ERGIC1: variants seen among roughly 807,000 people sequenced by gnomAD.
ERGIC1 encodes endoplasmic reticulum-Golgi intermediate compartment protein 1.
A neutral mutation model predicts 38.3 loss-of-function variants in ERGIC1; 19 were observed. The observed-to-expected ratio is 0.50, with a 90% CI of 0.35 to 0.73. The LOEUF is 0.73. ERGIC1 is among the 30% of genes least tolerant of loss of function. ERGIC1 has a pLI of 0.01. For missense variants in ERGIC1, 294 were observed against 389.2 expected, an observed-to-expected ratio of 0.76 and a Z score of 2.06; for synonymous variants, 124 against 157.6, an observed-to-expected ratio of 0.79 and a Z score of 1.60.
intron 7 of ERGIC1, among the ~76,000 whole-genome samples, chr5:172,927,976 A>G (rs1292316279): frequency 6.6e-6 from 1 of 152,062 alleles, no homozygotes; most frequent in Non-Finnish European, 1.5e-5. Context: ...GTTCCCATTC[A>G]TGCTGCCTCC....
At chr5:172,849,988 T>G (rs1761364300) in intron 1 of ERGIC1, among the ~76,000 whole-genome samples, 1 of 152,166 alleles carries the variant, frequency 6.6e-6, no homozygotes, top group Non-Finnish European at 1.5e-5. Context: ...TTTGCCTCAT[T>G]TTACAGGTGA....
Position 172,951,041 on chromosome 5 carries a change from C to G in ERGIC1, c.*225C>G, listed in dbSNP as rs1764219453. The G allele has an allele frequency of 2.1e-6, 1 of 467,676 alleles. No individual in the cohort carries two copies. Among genetic ancestry groups the G allele is most frequent in the African/African-American group, 2.0e-5 (1 of 50,136 alleles). 29.0% of individuals were successfully genotyped at this position (467,676 alleles called of 1,614,324 possible). On this transcript the variant is annotated 3_prime_UTR_variant, in exon 10 of 10. Coordinates refer to ENST00000393784, the MANE Select transcript of ERGIC1 (RefSeq NM_001031711.3). ...GCCTGAAGTTGCAGTTCCCCTTTCC[C>G]TGGGGAGCCCCAAGAACAGAGTCAG...
At chr5:172,882,465 A>C (rs1431433548) in intron 1 of ERGIC1, among the ~76,000 whole-genome samples, 1 of 152,110 alleles carries the variant, frequency 6.6e-6, no homozygotes, top group Admixed American at 6.5e-5. Flanking sequence ...TGAGCTCTAA[A>C]CTGGTGATTC....
rs1761281623 is a variant in ERGIC1, at chr5:172,846,341, C to G, written c.20+11908C>G. Among the ~76,000 whole-genome samples, 1 of 152,146 alleles carries G rather than the reference C, an allele frequency of 6.6e-6. No individual in the cohort carries two copies. Among genetic ancestry groups the G allele is most frequent in the Non-Finnish European group, 1.5e-5 (1 of 67,982 alleles). On this transcript the variant is annotated intron_variant, in intron 1 of 9. Transcript: ENST00000393784. The surrounding 1 kb of genome is among the most constrained non-coding windows in gnomAD (Gnocchi z 4.0). Reference sequence around the variant, plus strand: ...CGCTGTCTGTGCAGGACGCCCAGCACTGGGCACTTTGAGTCACTTCTGAGC... The same window carrying G: ...CGCTGTCTGTGCAGGACGCCCAGCAGTGGGCACTTTGAGTCACTTCTGAGC...
intron 5 of ERGIC1, among the ~76,000 whole-genome samples, chr5:172,919,699 A>C (rs1024219988): frequency 6.6e-6 from 1 of 152,228 alleles, no homozygotes; most frequent in Non-Finnish European, 1.5e-5. Context: ...CAAACTCTGC[A>C]GTAGAGACTG....
chr5:172,855,966 C>T (rs148689038), intron 1 of ERGIC1, among the ~76,000 whole-genome samples: 121 of 152,338 alleles, frequency 7.9e-4, no homozygotes, highest in Non-Finnish European at 1.3e-3. Flanking sequence ...TTTTCCACAT[C>T]GACTTGATGT....
rs1763852887 is a variant in ERGIC1 at position 172,934,845 on chromosome 5, T to C, written c.643-343T>C. On this transcript the variant is annotated intron_variant, in intron 8 of 9. Transcript: ENST00000393784. ...AGCAAACCATTGTTGAATAAATGAATGGATTTCGCGTGGCCCAGAGGTTGA... is the reference window on the plus strand; with the variant it reads ...AGCAAACCATTGTTGAATAAATGAACGGATTTCGCGTGGCCCAGAGGTTGA... 9.4e-6 allele frequency: 3 copies of C among 320,834 alleles called. No individual in the cohort carries two copies. The South Asian group carries it at 9.4e-5, about 10-fold the overall frequency. The allele number at this position is 320,834 out of a possible 1,614,324, so 19.9% of individuals were successfully genotyped here. A position where few individuals can be genotyped will look rare whatever the true frequency, so the allele number is the denominator to read the frequency against.
chr5:172,914,964 T>C, intron 5 of ERGIC1, 126 bp downstream of exon 5: 2 of 1,468,766 alleles, frequency 1.4e-6, no homozygotes, highest in Non-Finnish European at 1.9e-6. Context: ...CAAGCGAGGG[T>C]TCGTGTCCAG....
intron 8 of ERGIC1, chr5:172,933,031 G>A (rs2339745): frequency 0.17 from 27,256 of 156,824 alleles, 2,544 homozygotes; most frequent in African/African-American, 0.21. Context: ...TGGAGAAGAC[G>A]CCAGGCCTTA....
chr5:172,883,331 A>G (rs1269576264), intron 1 of ERGIC1, among the ~76,000 whole-genome samples: 2 of 152,076 alleles, frequency 1.3e-5, no homozygotes, highest in African/African-American at 2.4e-5. Context: ...ATCGTACTCA[A>G]CTTTCTTCAG....
At chr5:172,893,911 GTGTGTGTGTGTGTGTGTGTGT>G in intron 2 of ERGIC1, among the ~76,000 whole-genome samples, 1 of 35,082 alleles carries the variant, frequency 2.9e-5, no homozygotes, top group African/African-American at 1.1e-4. Context: ...ATATATGTGT[GTGTGTGTGTGTGTGTGTGTGT>G]GTGTATATAT....
intron 9 of ERGIC1, among the ~76,000 whole-genome samples, chr5:172,947,886 G>GTA (rs149830219): frequency 1.3e-5 from 2 of 151,396 alleles, no homozygotes; most frequent in East Asian, 3.9e-4. Context: ...TTGTGTGTGT[G>GTA]TGTGTGTGTG....
intron 9 of ERGIC1, 186 bp downstream of exon 9, chr5:172,935,496 C>A: frequency 1.5e-6 from 1 of 665,642 alleles, no homozygotes; most frequent in Non-Finnish European, 2.5e-6. Flanking sequence ...AGAAACACAT[C>A]AGTATCGATG....
intron 2 of ERGIC1, among the ~76,000 whole-genome samples, chr5:172,892,880 T>C (rs1343260731): frequency 6.6e-6 from 1 of 152,196 alleles, no homozygotes; most frequent in Non-Finnish European, 1.5e-5. Context: ...CATGAATGCG[T>C]GTGATCGGGA....
chr5:172,844,021 G>A (rs1761226811), intron 1 of ERGIC1, among the ~76,000 whole-genome samples: 1 of 152,210 alleles, frequency 6.6e-6, no homozygotes, highest in Admixed American at 6.5e-5. Flanking sequence ...CGTGATAGAT[G>A]GCAGTAGTGG....
rs777682468 is a variant in ERGIC1, at chr5:172,950,774, C to A, written c.831C>A (p.Ala277=). 1.1e-5 allele frequency: 18 copies of A among 1,612,734 alleles called. No individual in the cohort carries two copies. The highest frequency in any genetic ancestry group is 1.5e-5 in the Non-Finnish European group (18 of 1,179,002). ...TCCTGGACTCATGCATCTTCACAGCCTCTGAGGCCTGGAAGAAGATCCAGC... is the reference window on the plus strand; with the variant it reads ...TCCTGGACTCATGCATCTTCACAGCATCTGAGGCCTGGAAGAAGATCCAGC... ...AGILDSCIFT[A]SEAWKKIQLG... The change falls in exon 10 of 10, where the codon GCC becomes GCA. Residue 277 remains alanine (A), a synonymous_variant. Coordinates refer to ENST00000393784, the MANE Select transcript of ERGIC1 (RefSeq NM_001031711.3).
intron 1 of ERGIC1, among the ~76,000 whole-genome samples, chr5:172,872,212 C>T (rs535077624): frequency 6.6e-6 from 1 of 152,242 alleles, no homozygotes; most frequent in South Asian, 2.1e-4. Flanking sequence ...CAGCCTCGTC[C>T]CCATGTGTCT....
At position 172,837,978 on chromosome 5, in the gene ERGIC1, C is replaced by T. The variant is rs1043069927; in HGVS notation, c.20+3545C>T. 3.9e-5 allele frequency among the ~76,000 whole-genome samples: 6 copies of T among 152,140 alleles called. No homozygotes were observed. Among genetic ancestry groups the T allele is most frequent in the Admixed American group, 3.9e-4 (6 of 15,272 alleles). ...CCAGTGGTGCCTGAGCACTGCCTTCCGGGAGGTGCAGGTGGCTGCTGTCCC... is the reference window on the plus strand; with the variant it reads ...CCAGTGGTGCCTGAGCACTGCCTTCTGGGAGGTGCAGGTGGCTGCTGTCCC... On this transcript the variant is annotated intron_variant, in intron 1 of 9. Coordinates refer to ENST00000393784, the MANE Select transcript of ERGIC1 (RefSeq NM_001031711.3). This position sits in a 1 kb window ranked among gnomAD's most constrained non-coding sequence, Gnocchi z 4.3.
intron 1 of ERGIC1, among the ~76,000 whole-genome samples, chr5:172,878,772 G>T (rs1044580420): frequency 6.6e-6 from 1 of 152,098 alleles, no homozygotes; most frequent in Admixed American, 6.6e-5. Flanking sequence ...GCTCTGGTGT[G>T]TTCATTTGCC....
Sources: gnomAD v4.1 joint callset for allele counts (sites outside exome capture counted in the v4.1 genomes callset) on GRCh38, gnomAD v4.1.1 for gene constraint, Gnocchi (gnomAD v3.1) non-coding constraint, MANE v1.5 for transcripts, NCBI Gene and HGNC (gene_info 2026-07-23, HGNC 2026-07-21) for gene names.